Variants in ATE1 observed in about 807,000 individuals in gnomAD.
ATE1 encodes the protein arginyltransferase 1.
A neutral mutation model predicts 70.5 loss-of-function variants in ATE1; 36 were observed. The observed-to-expected ratio is 0.51, with a 90% confidence interval of 0.39 to 0.67. ATE1 has a LOEUF of 0.67. ATE1 is among the 30% of genes least tolerant of loss of function. The probability of loss-of-function intolerance (pLI) is 0.00; values close to 1 mark genes in which losing one functional copy is unlikely to be tolerated. For missense variants in ATE1, 593 were observed against 629.5 expected (o/e 0.94, Z 0.62); for synonymous variants, 232 against 219.3 (o/e 1.06, Z -0.51).
At chr10:121,887,932 C>T (rs1950456829) in intron 7 of ATE1, among the ~76,000 whole-genome samples, 1 of 152,096 alleles carries the variant, frequency 6.6e-6, no homozygotes, top group Non-Finnish European at 1.5e-5. Flanking sequence ...CTACCTCTCC[C>T]ACCTCTCCAT....
At chr10:121,847,964 G>C (rs774820410) in intron 8 of ATE1, among the ~76,000 whole-genome samples, 2 of 149,434 alleles carry the variant, frequency 1.3e-5, no homozygotes, top group African/African-American at 2.5e-5. Flanking sequence ...CCAGCTACTC[G>C]GGAGGCTGAG....
intron 11 of ATE1, among the ~76,000 whole-genome samples, chr10:121,773,624 G>T (rs1222858778): frequency 6.7e-6 from 1 of 150,046 alleles, no homozygotes; most frequent in African/African-American, 2.4e-5. Context: ...CTTACATCCA[G>T]GGACTTTTTT....
At chr10:121,856,037 T>A (rs929883182) in intron 8 of ATE1, among the ~76,000 whole-genome samples, 1 of 144,342 alleles carries the variant, frequency 6.9e-6, no homozygotes, top group African/African-American at 2.6e-5. Flanking sequence ...GATCACACCA[T>A]TGCACTCCAA....
At chr10:121,899,091 T>C (rs1245004238) in intron 7 of ATE1, 3 of 1,186,814 alleles carry the variant, frequency 2.5e-6, no homozygotes, top group Admixed American at 2.7e-5. Context: ...GAATTTGTCA[T>C]GAAAAGAAAC....
intron 8 of ATE1, among the ~76,000 whole-genome samples, chr10:121,855,607 T>C (rs999315211): frequency 6.6e-6 from 1 of 152,190 alleles, no homozygotes; most frequent in African/African-American, 2.4e-5. Flanking sequence ...GTGAAATATT[T>C]TCCTACCTCC....
chr10:121,904,640 C>CAAAA (rs778557337), intron 5 of ATE1, among the ~76,000 whole-genome samples: 12 of 46,454 alleles, frequency 2.6e-4, no homozygotes, highest in East Asian at 7.4e-4. Context: ...GACTCCGTCT[C>CAAAA]AAAAAAAAAA....
intron 11 of ATE1, among the ~76,000 whole-genome samples, chr10:121,760,085 CCTACTG>C (rs1564814705): frequency 6.6e-6 from 1 of 152,188 alleles, no homozygotes; most frequent in Non-Finnish European, 1.5e-5. Context: ...ACTGTTGAGA[CCTACTG>C]CTCAGTTTTT....
intron 11 of ATE1, among the ~76,000 whole-genome samples, chr10:121,769,777 G>A (rs1314279148): frequency 6.6e-6 from 1 of 152,222 alleles, no homozygotes; most frequent in African/African-American, 2.4e-5. Flanking sequence ...AACATCAGTA[G>A]CCATTTGGGA....
chr10:121,915,758 G>A (rs1352072335), intron 3 of ATE1, among the ~76,000 whole-genome samples: 1 of 151,754 alleles, frequency 6.6e-6, no homozygotes, highest in African/African-American at 2.4e-5. Flanking sequence ...AGGCGTGGTG[G>A]CGGGCACCTG....
At chr10:121,764,537 G>A (rs1488658844) in intron 11 of ATE1, among the ~76,000 whole-genome samples, 2 of 150,426 alleles carry the variant, frequency 1.3e-5, no homozygotes, top group African/African-American at 4.9e-5. Context: ...AATGGGGAAT[G>A]ATTTTCAAGC....
chr10:121,845,435 T>A (rs571434063), intron 8 of ATE1, among the ~76,000 whole-genome samples: 1 of 152,296 alleles, frequency 6.6e-6, no homozygotes, highest in Non-Finnish European at 1.5e-5. Flanking sequence ...GTTTGCAGCA[T>A]CCCAGGAAGA....
intron 7 of ATE1, among the ~76,000 whole-genome samples, chr10:121,878,621 A>T (rs535844577): frequency 6.6e-6 from 1 of 152,086 alleles, no homozygotes; most frequent in East Asian, 1.9e-4. Context: ...AAGAAAAAAA[A>T]ATCAACAAGC....
In ATE1 at chr10:121,779,146, T is replaced by C. The variant is rs11200144; in HGVS notation, c.1378+11023A>G. 3.2e-3 allele frequency among the ~76,000 whole-genome samples: 495 copies of C among 152,326 alleles called. 10 individuals carry two copies. The East Asian group carries it at 0.04, about 12-fold the overall frequency. Reference sequence around the variant, plus strand: ...AATTCTTTGACCTTTCTATGTCATCTTGGTACATTTATCCTCTCTTCAGTT... The same window carrying C: ...AATTCTTTGACCTTTCTATGTCATCCTGGTACATTTATCCTCTCTTCAGTT... On this transcript the variant is annotated intron_variant, in intron 11 of 11. Coordinates refer to ENST00000224652, the MANE Select transcript of ATE1 (RefSeq NM_001001976.3).
intron 7 of ATE1, chr10:121,898,717 G>A (rs962363118): frequency 1.8e-6 from 2 of 1,133,304 alleles, no homozygotes; most frequent in Non-Finnish European, 1.2e-6. Context: ...AGTCATGTGA[G>A]TGTTCACAGA....
chr10:121,790,888 T>C (rs1213596853), intron 10 of ATE1, among the ~76,000 whole-genome samples: 1 of 151,918 alleles, frequency 6.6e-6, no homozygotes, highest in Non-Finnish European at 1.5e-5. Context: ...GATAATCCAC[T>C]GAACTTTCTT....
chr10:121,821,537 C>T (rs1337660602), intron 10 of ATE1, among the ~76,000 whole-genome samples: 2 of 152,144 alleles, frequency 1.3e-5, no homozygotes, highest in African/African-American at 4.8e-5. Flanking sequence ...ATGGTCGATA[C>T]ACATGAAAAG....
chr10:121,925,283 G>A (rs1038689895), intron 1 of ATE1, among the ~76,000 whole-genome samples: 20 of 152,050 alleles, frequency 1.3e-4, no homozygotes, highest in Non-Finnish European at 1.6e-4. Flanking sequence ...AGCCGGGAAT[G>A]GTGGCACATG....
intron 10 of ATE1, among the ~76,000 whole-genome samples, chr10:121,809,774 G>T (rs1947244567): frequency 1.3e-5 from 2 of 151,890 alleles, no homozygotes; most frequent in South Asian, 4.1e-4. Context: ...AAGAGACTGG[G>T]ACATTCAACA....
At chr10:121,802,220 T>A (rs575101272) in intron 10 of ATE1, among the ~76,000 whole-genome samples, 32 of 152,094 alleles carry the variant, frequency 2.1e-4, no homozygotes, top group South Asian at 1.5e-3. Flanking sequence ...TTGCTTTCAG[T>A]CTACTTTCTT....
Sources: allele counts gnomAD v4.1 joint callset (sites outside exome capture counted in the v4.1 genomes callset), GRCh38; gene constraint gnomAD v4.1.1; transcripts MANE v1.5; gene names NCBI Gene and HGNC (gene_info 2026-07-23, HGNC 2026-07-21).